AP1M2: variants seen among roughly 807,000 people sequenced by gnomAD.
AP1M2 encodes the protein adaptor related protein complex 1 subunit mu 2.
In AP1M2, 41 loss-of-function variants were observed where a neutral mutation model predicts 54.6. The observed-to-expected ratio is 0.75, with a 90% CI of 0.59 to 0.97. The LOEUF (loss-of-function observed/expected upper bound fraction) is 0.97. AP1M2 is among the 50% of genes least tolerant of loss of function. The pLI is 0.00. For synonymous variants in AP1M2, 219 were observed against 215.9 expected (o/e 1.01, Z -0.13); for missense variants, 507 against 561.2 (o/e 0.90, Z 0.98).
Position 10,581,324 on chromosome 19 carries a change from T to C in AP1M2, c.615A>G (p.Ser205=), listed in dbSNP as rs1045361. Residue 205 remains serine (S), a synonymous_variant, in exon 6 of 12, where the codon TCA becomes TCG. Coordinates refer to ENST00000250244, the MANE Select transcript of AP1M2 (RefSeq NM_005498.5). ...GGCCCAGCCGCAGCTCTGGCATTCC[T>C]GACAGAAACACCTTGAGCTTGATGG... ...VGTIKLKVFL[S]GMPELRLGLN... is the part of the protein sequence containing the mutation. 373,417 of 1,613,496 alleles carry C rather than the reference T, an allele frequency of 0.23. 52,888 individuals are homozygous for C. Among genetic ancestry groups the C allele is most frequent in the East Asian group, 0.66 (29,701 of 44,848 alleles).
At chr19:10,579,308 C>T (rs1045381282) in intron 7 of AP1M2, among the ~76,000 whole-genome samples, 8 of 151,962 alleles carry the variant, frequency 5.3e-5, no homozygotes, top group East Asian at 3.9e-4. Context: ...CCCAGCTACT[C>T]GGGACGCTGA....
intron 9 of AP1M2, among the ~76,000 whole-genome samples, chr19:10,576,174 C>T (rs1917228250): frequency 6.6e-6 from 1 of 150,916 alleles, no homozygotes; most frequent in Admixed American, 6.6e-5. Flanking sequence ...TCACTGCAAC[C>T]TCCGCCTCCC....
Position 10,583,970 on chromosome 19 carries a change from G to T in AP1M2, c.143C>A (p.Pro48Gln). ...GTGGACCTGGCCGTGGCTCAGCAGC[G>T]GGGCCAGGGCGCCTTCCTCCTCCCG... is the stretch of plus-strand genomic sequence containing the variant. ...VQREEEGALA[P>Q]LLSHGQVHFL... The change falls in exon 2 of 12, where the codon CCG (proline) becomes CAG (glutamine). Residue 48 changes from proline (P) to glutamine (Q), a missense_variant. By Grantham distance (76) the Pro-to-Gln change is moderately conservative. Coordinates refer to ENST00000250244, the MANE Select transcript of AP1M2 (RefSeq NM_005498.5). 5 of 1,604,596 alleles carry T rather than the reference G, an allele frequency of 3.1e-6. No individual in the cohort carries two copies. The highest frequency in any genetic ancestry group is 1.3e-5 in the African/African-American group (1 of 74,900).
intron 3 of AP1M2, 34 bp downstream of exon 3, chr19:10,583,572 T>C (rs545693362): frequency 1.3e-6 from 2 of 1,521,500 alleles, no homozygotes; most frequent in South Asian, 1.1e-5. Flanking sequence ...GATAGACGGA[T>C]AGACCAGTTA....
chr19:10,579,972 C>T lies in AP1M2; in HGVS notation c.674-114G>A, dbSNP rs538687345. The T allele has an allele frequency of 1.9e-5, 21 of 1,127,568 alleles. No individual in the cohort carries two copies. In the South Asian group the frequency reaches 3.7e-4, roughly 20 times the overall value. The allele number at this position is 1,127,568 out of a possible 1,614,324, so 69.8% of individuals were successfully genotyped here. ...TTTCACATATGGGGAAACTGGGGCC[C>T]AGAGAGAATGAGCAAAAACTGGCAC... On this transcript the variant is annotated intron_variant, in intron 6 of 11. Coordinates refer to ENST00000250244, the MANE Select transcript of AP1M2 (RefSeq NM_005498.5).
At position 10,577,424 on chromosome 19, in the gene AP1M2, T is replaced by C. The variant is rs887828698; in HGVS notation, c.889-68A>G. 117 of 188,768 alleles carry C rather than the reference T, an allele frequency of 6.2e-4. 1 individual carries two copies. In the East Asian group the frequency reaches 0.039, roughly 63 times the overall value. The allele number at this position is 188,768 out of a possible 1,614,324, so 11.7% of individuals were successfully genotyped here. A position where few individuals can be genotyped will look rare whatever the true frequency, so the allele number is the denominator to read the frequency against. ...CATCCTTCAAATATTTACCAAGCCC[T>C]TTTTTTTTTTTTTTTTTTTTTTTTT... On this transcript the variant is annotated intron_variant, in intron 8 of 11. Coordinates refer to ENST00000250244, the MANE Select transcript of AP1M2 (RefSeq NM_005498.5).
chr19:10,585,239 AGAAAGAAGGAAAGAAG>A (rs137866469), intron 1 of AP1M2, among the ~76,000 whole-genome samples: 3 of 83,154 alleles, frequency 3.6e-5, no homozygotes, highest in Non-Finnish European at 7.4e-5. Flanking sequence ...AAAGAAAGAA[AGAAAGAAGGAAAGAAG>A]GAAAGAAGGA....
intron 1 of AP1M2, among the ~76,000 whole-genome samples, chr19:10,585,340 AAAGAAAGAAAGAAAG>A (rs1198164953): frequency 4.6e-5 from 7 of 150,790 alleles, no homozygotes; most frequent in African/African-American, 1.2e-4. Flanking sequence ...AGAAAGAAAG[AAAGAAAGAAAGAAAG>A]ATGACAGTTC....
chr19:10,580,081 T>C (rs1272727522), intron 6 of AP1M2, among the ~76,000 whole-genome samples: 1 of 136,342 alleles, frequency 7.3e-6, no homozygotes, highest in African/African-American at 2.9e-5. Flanking sequence ...AGACAGAGTT[T>C]CACTCTTGTT....
rs1221407132 is a variant in AP1M2, at chr19:10,585,276, GAAGAAAAAAAGAAAGAAAGAAAGA to G, written c.43-1230_43-1207del. Among the ~76,000 whole-genome samples, 687 of 77,436 alleles carry G rather than the reference GAAGAAAAAAAGAAAGAAAGAAAGA, an allele frequency of 8.9e-3. 30 individuals are homozygous for G. Among genetic ancestry groups the G allele is most frequent in the African/African-American group, 0.019 (480 of 25,112 alleles). The allele number at this position is 77,436 out of a possible 152,430, so 50.8% of individuals were successfully genotyped here. ...AGAAGGAAAGAAGGAAAGAAAGAAAGAAGAAAAAAAGAAAGAAAGAAAGAAAGAAAGAAAGAAAGAAAGAAAGAA... is the reference window on the plus strand; with the variant it reads ...AGAAGGAAAGAAGGAAAGAAAGAAAGAAGAAAGAAAGAAAGAAAGAAAGAA... On this transcript the variant is annotated intron_variant, in intron 1 of 11. Transcript: ENST00000250244.
intron 2 of AP1M2, 82 bp downstream of exon 2, chr19:10,583,832 G>A: frequency 1.3e-6 from 2 of 1,519,982 alleles, no homozygotes; most frequent in Non-Finnish European, 1.8e-6. Flanking sequence ...CCTGTCCTCA[G>A]CCCACCCTCT....
At chr19:10,581,958 C>T (rs1599552586) in intron 3 of AP1M2, 80 bp from the exon 4 acceptor site, 1 of 1,446,938 alleles carries the variant, frequency 6.9e-7, no homozygotes, top group East Asian at 2.5e-5. Flanking sequence ...AACCCCAGCA[C>T]CTTGGGAGGC....
intron 6 of AP1M2, among the ~76,000 whole-genome samples, chr19:10,580,132 AC>A (rs928313958): frequency 1.4e-5 from 2 of 140,668 alleles, no homozygotes; most frequent in Admixed American, 7.5e-5. Context: ...GCTCACCGCA[AC>A]CTCCACCTCC....
intron 1 of AP1M2, among the ~76,000 whole-genome samples, chr19:10,585,517 T>C (rs1167429436): frequency 1.3e-5 from 2 of 151,776 alleles, no homozygotes; most frequent in Non-Finnish European, 2.9e-5. Flanking sequence ...GCCAACATGA[T>C]GAAACCCCGT....
At chr19:10,577,462 C>G (rs1917280920) in intron 8 of AP1M2, 106 bp from the exon 9 acceptor site, 7 of 1,087,330 alleles carry the variant, frequency 6.4e-6, no homozygotes, top group Non-Finnish European at 8.4e-6. Context: ...GAGACGGAGT[C>G]TCACTCTGTC....
chr19:10,584,164 G>A (rs1053952130), intron 1 of AP1M2, 94 bp from the exon 2 acceptor site: 5 of 1,455,592 alleles, frequency 3.4e-6, no homozygotes, highest in Non-Finnish European at 4.6e-6. Context: ...CTACTTCCTA[G>A]CTGAGGGGCT....
intron 6 of AP1M2, among the ~76,000 whole-genome samples, 186 bp from the exon 7 acceptor site, chr19:10,580,044 GTTTTTT>G (rs59349358): frequency 1.4e-5 from 1 of 71,192 alleles, no homozygotes; most frequent in African/African-American, 6.0e-5. Flanking sequence ...ATCTGGCTTG[GTTTTTT>G]TTTTTTTTTT....
intron 6 of AP1M2, among the ~76,000 whole-genome samples, chr19:10,581,061 C>T (rs1304642028): frequency 6.6e-6 from 1 of 152,182 alleles, no homozygotes; most frequent in Non-Finnish European, 1.5e-5. Flanking sequence ...GTCCTCAGAG[C>T]CTAAAACTGC....
At chr19:10,578,369 C>G (rs1367823366) in intron 8 of AP1M2, among the ~76,000 whole-genome samples, 3 of 151,984 alleles carry the variant, frequency 2.0e-5, no homozygotes, top group Non-Finnish European at 4.4e-5. Context: ...GTAATCCCAG[C>G]TGCTCGGGAG....
Sources: gnomAD v4.1 joint callset for allele counts (sites outside exome capture counted in the v4.1 genomes callset) on GRCh38, gnomAD v4.1.1 for gene constraint, MANE v1.5 for transcripts, NCBI Gene and HGNC (gene_info 2026-07-23, HGNC 2026-07-21) for gene names.